NUP210L: variants seen among roughly 807,000 people sequenced by gnomAD.
The protein encoded by NUP210L is nucleoporin 210 like, also known as nuclear pore membrane glycoprotein 210-like.
NUP210L carries 74 observed loss-of-function variants against 208.5 expected under a neutral mutation model. That is an observed-to-expected ratio of 0.35 (90% CI 0.29 to 0.43). The LOEUF (loss-of-function observed/expected upper bound fraction) is 0.43. Among genes scored for constraint, NUP210L ranks in the 20% least tolerant of loss-of-function variants. NUP210L has a pLI of 1.00. For synonymous variants in NUP210L, 780 were observed against 816.9 expected, an observed-to-expected ratio of 0.95 and a Z score of 0.77; for missense variants, 1,843 against 2,289.4, an observed-to-expected ratio of 0.81 and a Z score of 3.98.
At chr1:154,136,919 C>CAA (rs11374907) in intron 6 of NUP210L, among the ~76,000 whole-genome samples, 1,111 of 62,628 alleles carry the variant, frequency 0.018, 100 homozygotes, top group African/African-American at 0.053. Context: ...GAATCCATCT[C>CAA]AAAAAAAAAA....
intron 33 of NUP210L, among the ~76,000 whole-genome samples, chr1:154,013,612 AAC>A (rs376863263): frequency 2.2e-3 from 330 of 152,192 alleles, no homozygotes; most frequent in East Asian, 3.1e-3. Context: ...AAACAAAAAA[AAC>A]ACACAAAAAA....
chr1:154,051,280 G>T (rs1557941065), intron 25 of NUP210L, among the ~76,000 whole-genome samples: 2 of 152,040 alleles, frequency 1.3e-5, no homozygotes, highest in Non-Finnish European at 2.9e-5. Context: ...CGTGATCTTG[G>T]CTCACTGTAA....
At chr1:154,003,442 G>A (rs1339276660) in intron 35 of NUP210L, among the ~76,000 whole-genome samples, 2 of 151,770 alleles carry the variant, frequency 1.3e-5, no homozygotes, top group East Asian at 1.9e-4. Flanking sequence ...TCCTGACCTC[G>A]TGATCCTCCC....
At position 154,007,075 on chromosome 1, in the gene NUP210L, G is replaced by T. The variant is rs192185049; in HGVS notation, c.4930+2897C>A. ...TCCTTCTATTTCAATCGATTCTCCT[G>T]CCTCAGCCTCCCAAATAGCTGGGAT... is the stretch of plus-strand genomic sequence containing the variant. On this transcript the variant is annotated intron_variant, in intron 35 of 39. Coordinates refer to ENST00000368559, the Ensembl canonical transcript of NUP210L. Among the ~76,000 whole-genome samples, 52 of 146,168 alleles carry T rather than the reference G, an allele frequency of 3.6e-4. No homozygotes were observed. In the East Asian group the frequency reaches 9.8e-3, roughly 28 times the overall value.
At chr1:154,051,787 A>G (rs2147980505) in intron 25 of NUP210L, among the ~76,000 whole-genome samples, 1 of 152,344 alleles carries the variant, frequency 6.6e-6, no homozygotes. Flanking sequence ...AGGCCAATCA[A>G]GAGAGTCTTC....
chr1:154,070,176 T>G (rs532722981), intron 17 of NUP210L, 97 bp downstream of exon 17: 3 of 935,058 alleles, frequency 3.2e-6, no homozygotes, highest in Non-Finnish European at 4.9e-6. Flanking sequence ...GTTGTGCACA[T>G]GTACCCTAGA....
chr1:154,129,253 TC>T (rs984870971), intron 8 of NUP210L, 23 bp downstream of exon 8: 1 of 1,459,742 alleles, frequency 6.9e-7, no homozygotes, highest in African/African-American at 1.4e-5. Flanking sequence ...TATCCACCTT[TC>T]TGAAAAGTAT....
At chr1:154,139,651 A>G (rs1280319895) in intron 5 of NUP210L, 151 bp downstream of exon 5, 6 of 647,604 alleles carry the variant, frequency 9.3e-6, no homozygotes, top group Non-Finnish European at 2.6e-6. Flanking sequence ...CAACCTGGTG[A>G]AACCCTGTCT....
intron 10 of NUP210L, among the ~76,000 whole-genome samples, chr1:154,119,300 A>T (rs6678826): frequency 6.6e-6 from 1 of 151,996 alleles, no homozygotes; most frequent in Non-Finnish European, 1.5e-5. Flanking sequence ...AAGGTTCTAC[A>T]GGGCTGGCTG....
chr1:154,095,398 C>A (rs1656132073), intron 14 of NUP210L, among the ~76,000 whole-genome samples: 1 of 152,200 alleles, frequency 6.6e-6, no homozygotes, highest in Non-Finnish European at 1.5e-5. Context: ...TTCTAGACCA[C>A]ACCACTTCTG....
intron 2 of NUP210L, among the ~76,000 whole-genome samples, chr1:154,146,357 T>A (rs898582410): frequency 1.2e-4 from 19 of 152,172 alleles, no homozygotes; most frequent in Non-Finnish European, 2.5e-4. Flanking sequence ...ATGTAAGACA[T>A]CTTTCTTTCA....
chr1:154,152,624 T>C, intron 2 of NUP210L, 112 bp downstream of exon 2: 1 of 961,800 alleles, frequency 1.0e-6, no homozygotes, highest in Non-Finnish European at 1.6e-6. Context: ...GAATCATTTA[T>C]TCTCCCTTTG....
chr1:154,131,788 CTTTCTTTTTTTCTTT>C (rs551678936), intron 7 of NUP210L, among the ~76,000 whole-genome samples: 43 of 152,048 alleles, frequency 2.8e-4, no homozygotes, highest in Non-Finnish European at 4.9e-4. Context: ...TCTGGTTTTT[CTTTCTTTTTTTCTTT>C]TTTCTTTTTT....
chr1:154,038,226 A>G (rs1652667945), intron 27 of NUP210L, among the ~76,000 whole-genome samples: 1 of 151,864 alleles, frequency 6.6e-6, no homozygotes, highest in Admixed American at 6.6e-5. Context: ...TCTGCCTCCC[A>G]GGCTCAAGAG....
intron 23 of NUP210L, among the ~76,000 whole-genome samples, chr1:154,055,915 C>A (rs1344370568): frequency 1.3e-5 from 2 of 152,060 alleles, no homozygotes; most frequent in African/African-American, 4.8e-5. Flanking sequence ...AACAGCTGGG[C>A]TGGCGCAGTG....
intron 27 of NUP210L, among the ~76,000 whole-genome samples, chr1:154,044,407 CA>C (rs577871170): frequency 1.3e-3 from 168 of 131,894 alleles, no homozygotes; most frequent in Non-Finnish European, 1.1e-3. Context: ...AACTCTGTCT[CA>C]AAAAAAAAAA....
At chr1:154,103,689 GA>G (rs1211927440) in intron 13 of NUP210L, among the ~76,000 whole-genome samples, 1,261 of 124,512 alleles carry the variant, frequency 0.01, 2 homozygotes, top group Non-Finnish European at 0.015. Flanking sequence ...AAAAAAAAAA[GA>G]AAAAAAAAAA....
chr1:154,149,910 G>A (rs1659300442), intron 2 of NUP210L, among the ~76,000 whole-genome samples: 1 of 152,100 alleles, frequency 6.6e-6, no homozygotes. Context: ...TTCTTCATCT[G>A]CCCTGTGAAC....
At chr1:154,025,938 T>C (rs1400781164) in intron 29 of NUP210L, among the ~76,000 whole-genome samples, 1 of 152,124 alleles carries the variant, frequency 6.6e-6, no homozygotes, top group African/African-American at 2.4e-5. Context: ...AAAGAATTAT[T>C]TAGGCCGGGT....
Sources: allele counts gnomAD v4.1 joint callset (sites outside exome capture counted in the v4.1 genomes callset), GRCh38; gene constraint gnomAD v4.1.1; transcripts MANE v1.5; gene names NCBI Gene and HGNC (gene_info 2026-07-23, HGNC 2026-07-21).